NFIL3: variants seen among roughly 807,000 people sequenced by gnomAD.
NFIL3 encodes nuclear factor interleukin-3-regulated protein.
A neutral mutation model predicts 10.0 loss-of-function variants in NFIL3; 5 were observed. That is an observed-to-expected ratio of 0.50 (90% CI 0.26 to 1.06). The LOEUF is 1.06. Among genes scored for constraint, NFIL3 ranks in the 50% least tolerant of loss-of-function variants. The probability of loss-of-function intolerance (pLI) is 0.13; values close to 1 mark genes in which losing one functional copy is unlikely to be tolerated. For missense variants in NFIL3, 436 were observed against 547.6 expected, an observed-to-expected ratio of 0.80 and a Z score of 2.03; for synonymous variants, 202 against 206.5, an observed-to-expected ratio of 0.98 and a Z score of 0.19.
At chr9:91,417,429 ATACTTT>A (rs1833677399) in intron 1 of NFIL3, among the ~76,000 whole-genome samples, 1 of 151,976 alleles carries the variant, frequency 6.6e-6, no homozygotes. Flanking sequence ...ACATCTCTTT[ATACTTT>A]TAAAGTATGA....
At chr9:91,427,731 C>A (rs191632704), upstream of NFIL3, among the ~76,000 whole-genome samples, 5 of 152,220 alleles carry the variant, frequency 3.3e-5, no homozygotes, top group African/African-American at 1.2e-4. Context: ...CCTTGACCCC[C>A]CCAGGCTCAA....
the NFIL3 span, among the ~76,000 whole-genome samples, chr9:91,457,106 T>C: frequency 9.3e-3 from 1,422 of 152,206 alleles, 18 homozygotes; most frequent in African/African-American, 0.032. Context: ...AATGTCTCAC[T>C]ATCTTGATCA....
chr9:91,444,415 T>C, the NFIL3 span, among the ~76,000 whole-genome samples: 1 of 152,222 alleles, frequency 6.6e-6, no homozygotes, highest in Non-Finnish European at 1.5e-5. Flanking sequence ...AATTCTTTTT[T>C]AGGCAGTTGG....
chr9:91,458,391 T>C, the NFIL3 span, among the ~76,000 whole-genome samples: 1 of 152,142 alleles, frequency 6.6e-6, no homozygotes, highest in Non-Finnish European at 1.5e-5. Flanking sequence ...AAGGAGTTTG[T>C]CCATTTTTGT....
At chr9:91,467,526 C>G in the NFIL3 span, among the ~76,000 whole-genome samples, 14 of 151,798 alleles carry the variant, frequency 9.2e-5, no homozygotes, top group East Asian at 3.9e-4. Context: ...TGTTGATTCT[C>G]TGGGATTTTT....
chr9:91,454,994 C>G, the NFIL3 span, among the ~76,000 whole-genome samples: 4 of 152,200 alleles, frequency 2.6e-5, no homozygotes, highest in Non-Finnish European at 5.9e-5. Flanking sequence ...ATGGTGAACA[C>G]AGTCTGCATG....
chr9:91,462,112 A>G, the NFIL3 span, among the ~76,000 whole-genome samples: 1 of 152,160 alleles, frequency 6.6e-6, no homozygotes, highest in African/African-American at 2.4e-5. Context: ...AGTTGAGTAT[A>G]TATGTTACTA....
At chr9:91,426,190 T>C (rs947384759), upstream of NFIL3, 1 of 152,220 alleles carries the variant, frequency 6.6e-6, no homozygotes, top group Non-Finnish European at 1.5e-5. Flanking sequence ...AGATTGTGTA[T>C]GTATTATATC....
chr9:91,458,900 A>C, the NFIL3 span, among the ~76,000 whole-genome samples: 2 of 152,198 alleles, frequency 1.3e-5, no homozygotes, highest in African/African-American at 4.8e-5. Context: ...GCAAAGTTTA[A>C]TAAGTGAAAG....
In NFIL3 at chr9:91,421,816, C is replaced by CAA. The variant is rs139322806; in HGVS notation, c.-173+1822_-173+1823dup. ...AGAGACGTCCACCCCCCACCTCCCACAAAAAAAAACCCTGCACTTAATTTA... is the reference window on the plus strand; with the variant it reads ...AGAGACGTCCACCCCCCACCTCCCACAAAAAAAAAAACCCTGCACTTAATTTA... On this transcript the variant is annotated intron_variant, in intron 1 of 1. Transcript: ENST00000297689. Among the ~76,000 whole-genome samples, 308 of 151,132 alleles carry CAA rather than the reference C, an allele frequency of 2.0e-3. 1 individual carries two copies. Among genetic ancestry groups the CAA allele is most frequent in the Admixed American group, 2.8e-3 (42 of 15,212 alleles).
the NFIL3 span, among the ~76,000 whole-genome samples, chr9:91,464,063 A>G: frequency 1.3e-5 from 2 of 152,112 alleles, no homozygotes; most frequent in Non-Finnish European, 2.9e-5. Flanking sequence ...TCTTGTAGAC[A>G]ACATATAGTT....
chr9:91,464,853 C>T, the NFIL3 span, among the ~76,000 whole-genome samples: 4 of 152,048 alleles, frequency 2.6e-5, no homozygotes, highest in African/African-American at 4.8e-5. Flanking sequence ...TTCTGGCTTG[C>T]ATGGATTCTG....
chr9:91,480,312 T>C, the NFIL3 span, among the ~76,000 whole-genome samples: 12 of 152,272 alleles, frequency 7.9e-5, no homozygotes, highest in South Asian at 2.3e-3. Context: ...TATTAAGTTA[T>C]ACTCTAAATT....
At chr9:91,473,681 C>T in the NFIL3 span, among the ~76,000 whole-genome samples, 1 of 152,232 alleles carries the variant, frequency 6.6e-6, no homozygotes, top group South Asian at 2.1e-4. Flanking sequence ...AGGCAACGCC[C>T]TGCCCTGTGT....
the NFIL3 span, among the ~76,000 whole-genome samples, chr9:91,477,876 T>C: frequency 6.6e-6 from 1 of 152,196 alleles, no homozygotes; most frequent in Non-Finnish European, 1.5e-5. Flanking sequence ...ATGTGCTGAA[T>C]GTAAAGGATT....
At chr9:91,419,289 C>T (rs1366360574) in intron 1 of NFIL3, among the ~76,000 whole-genome samples, 2 of 152,020 alleles carry the variant, frequency 1.3e-5, no homozygotes, top group African/African-American at 4.8e-5. Context: ...AAAATAAAGC[C>T]CAGGCAATAT....
At chr9:91,435,189 A>C in the NFIL3 span, among the ~76,000 whole-genome samples, 7 of 152,188 alleles carry the variant, frequency 4.6e-5, no homozygotes, top group African/African-American at 1.7e-4. Context: ...CCCTCCTTGG[A>C]TATTCAGTCC....
At chr9:91,459,739 T>C in the NFIL3 span, among the ~76,000 whole-genome samples, 1 of 152,170 alleles carries the variant, frequency 6.6e-6, no homozygotes, top group Non-Finnish European at 1.5e-5. Flanking sequence ...ATGTATTTAC[T>C]TTCTCCACTA....
At chr9:91,420,352 T>TACACACACACAC (rs144270881) in intron 1 of NFIL3, among the ~76,000 whole-genome samples, 2 of 144,392 alleles carry the variant, frequency 1.4e-5, no homozygotes, top group East Asian at 2.0e-4. Flanking sequence ...TGAAGGTAAA[T>TACACACACACAC]ACACACACAC....
Sources: allele counts gnomAD v4.1 joint callset (sites outside exome capture counted in the v4.1 genomes callset), GRCh38; gene constraint gnomAD v4.1.1; transcripts MANE v1.5; gene names NCBI Gene and HGNC (gene_info 2026-07-23, HGNC 2026-07-21).